The following WAC variants were observed in gnomAD, a reference collection of about 807,000 sequenced individuals.
WAC encodes the protein WW domain containing adaptor with coiled-coil, also known as WW domain-containing adapter protein with coiled-coil.
In WAC, 11 loss-of-function variants were observed where a neutral mutation model predicts 79.6. The observed-to-expected ratio is 0.14, with a 90% CI of 0.09 to 0.23. WAC has a LOEUF of 0.23. Among genes scored for constraint, WAC ranks in the 10% least tolerant of loss-of-function variants. The pLI is 1.00. For missense variants in WAC, 728 were observed against 773.5 expected (o/e 0.94, Z 0.70); for synonymous variants, 304 against 276.9 (o/e 1.10, Z -0.97).
chr10:28,551,051 T>G (rs774877704), intron 3 of WAC, among the ~76,000 whole-genome samples: 14 of 152,202 alleles, frequency 9.2e-5, no homozygotes, highest in Non-Finnish European at 1.3e-4. Context: ...TCTCACTAGC[T>G]AAGGAGATTT....
chr10:28,561,722 G>GTGAGCGGCAGT (rs1239005396), intron 3 of WAC, among the ~76,000 whole-genome samples: 1 of 152,196 alleles, frequency 6.6e-6, no homozygotes, highest in Non-Finnish European at 1.5e-5. Flanking sequence ...ACAGCAGGAG[G>GTGAGCGGCAGT]TGAGCGGCAG....
intron 7 of WAC, among the ~76,000 whole-genome samples, chr10:28,607,777 T>C (rs1841033102): frequency 6.6e-6 from 1 of 152,240 alleles, no homozygotes; most frequent in Non-Finnish European, 1.5e-5. Context: ...ATTTTTCACC[T>C]TATTTCATGA....
chr10:28,564,108 T>C (rs1838464706), intron 3 of WAC, among the ~76,000 whole-genome samples: 2 of 151,614 alleles, frequency 1.3e-5, no homozygotes, highest in South Asian at 4.2e-4. Flanking sequence ...TACCAAAAAA[T>C]ACAAAAATGA....
At chr10:28,607,936 A>G (rs893539855) in intron 7 of WAC, among the ~76,000 whole-genome samples, 3 of 152,242 alleles carry the variant, frequency 2.0e-5, no homozygotes, top group African/African-American at 4.8e-5. Context: ...ATGATTTACC[A>G]GGTTTTATGG....
At chr10:28,609,431 A>C (rs191458800) in intron 8 of WAC, among the ~76,000 whole-genome samples, 1 of 152,354 alleles carries the variant, frequency 6.6e-6, no homozygotes, top group East Asian at 1.9e-4. Context: ...AAGTAGTGTT[A>C]AGTGGTTAAG....
chr10:28,590,955 T>C (rs1331081226), intron 6 of WAC, 123 bp downstream of exon 6: 6 of 837,664 alleles, frequency 7.2e-6, no homozygotes, highest in East Asian at 2.7e-5. Context: ...GGAGATTCTT[T>C]TATGTTGGAT....
chr10:28,615,018 C>T (rs960767480), intron 11 of WAC: 2 of 188,774 alleles, frequency 1.1e-5, no homozygotes, highest in African/African-American at 4.7e-5. Context: ...TTAACCTCCT[C>T]ATAGCAGTTT....
intron 7 of WAC, among the ~76,000 whole-genome samples, chr10:28,602,779 A>G (rs1045960905): frequency 3.3e-5 from 5 of 152,188 alleles, no homozygotes; most frequent in African/African-American, 1.2e-4. Context: ...AATATTTTAA[A>G]CCCTAGAAAG....
intron 7 of WAC, among the ~76,000 whole-genome samples, chr10:28,599,211 C>T (rs1035240687): frequency 2.6e-5 from 4 of 152,024 alleles, no homozygotes; most frequent in South Asian, 4.1e-4. Context: ...TTAGGTTTTT[C>T]TTAACAACTA....
chr10:28,614,471 G>GT, intron 10 of WAC, 96 bp from the exon 11 acceptor site: 2 of 850,792 alleles, frequency 2.4e-6, no homozygotes, highest in South Asian at 1.6e-5. Flanking sequence ...GAACTTGACT[G>GT]CCACATTTTA....
intron 3 of WAC, among the ~76,000 whole-genome samples, chr10:28,547,553 T>G (rs1837421952): frequency 6.6e-6 from 1 of 152,020 alleles, no homozygotes; most frequent in Non-Finnish European, 1.5e-5. Flanking sequence ...AAAAAAAGAC[T>G]TGTAACTTTT....
At chr10:28,587,671 A>G (rs987044856) in intron 4 of WAC, among the ~76,000 whole-genome samples, 2 of 152,232 alleles carry the variant, frequency 1.3e-5, no homozygotes, top group Admixed American at 6.5e-5. Context: ...AAATTATCCC[A>G]TAATTTGAAG....
At chr10:28,618,631 G>C (rs1300012965) in intron 13 of WAC, among the ~76,000 whole-genome samples, 2 of 152,172 alleles carry the variant, frequency 1.3e-5, no homozygotes, top group African/African-American at 4.8e-5. Flanking sequence ...TATCAAGCCA[G>C]CCTGATTATG....
chr10:28,566,541 A>G (rs1175512498), intron 3 of WAC, among the ~76,000 whole-genome samples: 9 of 152,106 alleles, frequency 5.9e-5, no homozygotes, highest in Admixed American at 2.0e-4. Context: ...TTTTCTTATG[A>G]TTGTCTGTAT....
At chr10:28,619,139 C>T (rs1248605871) in intron 13 of WAC, among the ~76,000 whole-genome samples, 2 of 152,044 alleles carry the variant, frequency 1.3e-5, no homozygotes, top group Admixed American at 6.5e-5. Flanking sequence ...ATTAGCCGGG[C>T]GTAAGGACAG....
chr10:28,580,892 A>G lies in WAC; in HGVS notation c.275-2507A>G, dbSNP rs1057337526. On this transcript the variant is annotated intron_variant, in intron 3 of 13. Coordinates refer to ENST00000354911, the MANE Select transcript of WAC (RefSeq NM_016628.5). Reference sequence around the variant, plus strand: ...TTCTCTAAGACTCTCAGGACTCAACATAGTCATTATCATGACTGTGACTTA... The same window carrying G: ...TTCTCTAAGACTCTCAGGACTCAACGTAGTCATTATCATGACTGTGACTTA... 1.2e-4 allele frequency among the ~76,000 whole-genome samples: 18 copies of G among 152,338 alleles called. No individual in the cohort carries two copies. The East Asian group carries it at 3.3e-3, about 28-fold the overall frequency.
intron 7 of WAC, among the ~76,000 whole-genome samples, chr10:28,606,202 C>T (rs1245470339): frequency 6.6e-6 from 1 of 152,144 alleles, no homozygotes; most frequent in African/African-American, 2.4e-5. Context: ...AGGCGCAAGC[C>T]ACCACAGCTG....
intron 3 of WAC, among the ~76,000 whole-genome samples, chr10:28,562,382 T>G (rs1249351116): frequency 1.3e-5 from 2 of 152,124 alleles, no homozygotes; most frequent in African/African-American, 4.8e-5. Context: ...TTCTATGTGT[T>G]TTTTTCCAGT....
At chr10:28,539,619 T>C (rs1836891702) in intron 3 of WAC, among the ~76,000 whole-genome samples, 1 of 151,756 alleles carries the variant, frequency 6.6e-6, no homozygotes, top group Non-Finnish European at 1.5e-5. Context: ...AGTGCAGTGG[T>C]GTGATCCTGG....
Sources: allele counts gnomAD v4.1 joint callset (sites outside exome capture counted in the v4.1 genomes callset), GRCh38; gene constraint gnomAD v4.1.1; transcripts MANE v1.5; gene names NCBI Gene and HGNC (gene_info 2026-07-23, HGNC 2026-07-21).